Variants in MID1 observed in about 807,000 individuals in gnomAD.
MID1 encodes the protein E3 ubiquitin-protein ligase Midline-1.
In MID1, 7 loss-of-function variants were observed where a neutral mutation model predicts 40.4. The observed-to-expected ratio is 0.17, with a 90% confidence interval of 0.10 to 0.33. The LOEUF is 0.33. MID1 is among the 10% of genes least tolerant of loss of function. MID1 has a pLI of 1.00. For synonymous variants in MID1, 229 were observed against 221.2 expected, an observed-to-expected ratio of 1.04 and a Z score of -0.31; for missense variants, 367 against 558.5, an observed-to-expected ratio of 0.66 and a Z score of 3.46.
chrX:10,731,966 C>CAAAAAAAAAAAAAA (rs754605735), intron 1 of MID1, among the ~76,000 whole-genome samples: 1 of 26,653 alleles, frequency 3.8e-5, no homozygotes, highest in African/African-American at 9.6e-5. Flanking sequence ...GAATCTATCA[C>CAAAAAAAAAAAAAA]AAAAAAAAAA....
intron 1 of MID1, among the ~76,000 whole-genome samples, chrX:10,636,784 GGATATATATATA>G (rs1203503201): frequency 2.5e-4 from 3 of 12,157 alleles, no homozygotes; most frequent in African/African-American, 1.3e-3. Context: ...CCAACAATGG[GGATATATATATA>G]TATATATATA....
At chrX:10,583,761 G>A (rs143436619) in intron 1 of MID1, among the ~76,000 whole-genome samples, 1 of 111,638 alleles carries the variant, frequency 9.0e-6, no homozygotes, top group African/African-American at 3.3e-5. Flanking sequence ...GGCCAGGTAC[G>A]GTGGCTCACG....
intron 2 of MID1, among the ~76,000 whole-genome samples, chrX:10,540,531 C>G (rs939785752): frequency 1.8e-5 from 2 of 111,479 alleles, no homozygotes; most frequent in Admixed American, 9.5e-5. Context: ...GTCTGAGACC[C>G]AATATTTCAT....
intron 1 of MID1, among the ~76,000 whole-genome samples, chrX:10,757,954 C>CTTTATTTA (rs113458552): frequency 1.8e-5 from 2 of 108,645 alleles, no homozygotes; most frequent in African/African-American, 6.9e-5. Flanking sequence ...TCATAAGTCA[C>CTTTATTTA]TTTATTTATT....
At chrX:10,714,234 C>A (rs953257901) in intron 1 of MID1, among the ~76,000 whole-genome samples, 2 of 112,621 alleles carry the variant, frequency 1.8e-5, no homozygotes, top group Admixed American at 9.4e-5. Context: ...GGGGAGAAAG[C>A]CTTCTTTGTG....
At chrX:10,713,784 G>A (rs2043284103) in intron 1 of MID1, among the ~76,000 whole-genome samples, 1 of 111,874 alleles carries the variant, frequency 8.9e-6, no homozygotes, top group Admixed American at 9.5e-5. Context: ...AGTTGAGATG[G>A]TCCAAAGAGG....
intron 9 of MID1, among the ~76,000 whole-genome samples, chrX:10,454,143 C>T (rs1928513968): frequency 9.0e-6 from 1 of 111,563 alleles, no homozygotes; most frequent in Non-Finnish European, 1.9e-5. Context: ...GTGTCCTGAC[C>T]TTTGCCCTTA....
chrX:10,459,613 A>T, intron 8 of MID1, 33 bp downstream of exon 8: 1 of 1,196,693 alleles, frequency 8.4e-7, no homozygotes, highest in Non-Finnish European at 1.1e-6. Context: ...AGCAGATAAG[A>T]CATGACAGCT....
At chrX:10,685,875 CAT>C (rs1485514986) in intron 1 of MID1, among the ~76,000 whole-genome samples, 4 of 59,640 alleles carry the variant, frequency 6.7e-5, no homozygotes, top group Non-Finnish European at 9.4e-5. Flanking sequence ...CCCACATACT[CAT>C]ACACACACAC....
At chrX:10,543,541 T>G (rs1000579134) in intron 2 of MID1, among the ~76,000 whole-genome samples, 2 of 111,281 alleles carry the variant, frequency 1.8e-5, no homozygotes, top group African/African-American at 6.5e-5. Flanking sequence ...TGATTTCTAG[T>G]GATGGAGAGA....
intron 1 of MID1, among the ~76,000 whole-genome samples, chrX:10,587,462 G>A (rs565143708): frequency 3.3e-4 from 37 of 112,849 alleles, no homozygotes; most frequent in African/African-American, 7.1e-4. Flanking sequence ...GCAGGGTGCC[G>A]GACTTTGGGA....
intron 1 of MID1, among the ~76,000 whole-genome samples, chrX:10,683,368 G>A (rs192886957): frequency 1.3e-4 from 14 of 110,725 alleles, no homozygotes; most frequent in African/African-American, 4.6e-4. Flanking sequence ...AATATAGTGA[G>A]CCCTGTCTCT....
chrX:10,636,615 AC>A (rs1478968422), intron 1 of MID1, among the ~76,000 whole-genome samples: 12 of 106,954 alleles, frequency 1.1e-4, no homozygotes, highest in African/African-American at 3.4e-4. Flanking sequence ...CTTGACCTCC[AC>A]TCTCCACGGT....
Position 10,695,753 on chromosome X carries a change from G to A in MID1, c.-186-75334C>T, listed in dbSNP as rs2043159239. ...GGCAATTACAGAGTTGGAGGAATAGGCAGGGGCTAGACTGTGCTGTCTAAT... is the reference window on the plus strand; with the variant it reads ...GGCAATTACAGAGTTGGAGGAATAGACAGGGGCTAGACTGTGCTGTCTAAT... On this transcript the variant is annotated intron_variant, in intron 1 of 10. Transcript: ENST00000380785. Among the ~76,000 whole-genome samples, 2 of 112,032 alleles carry A rather than the reference G, an allele frequency of 1.8e-5. 1 individual carries two copies. The highest frequency in any genetic ancestry group is 7.5e-4 in the South Asian group (2 of 2,665).
chrX:10,605,916 C>T, intron 1 of MID1, among the ~76,000 whole-genome samples: 1 of 111,167 alleles, frequency 9.0e-6, no homozygotes, highest in Non-Finnish European at 1.9e-5. Flanking sequence ...CTTTATAAAT[C>T]TCTATTCCTG....
intron 2 of MID1, among the ~76,000 whole-genome samples, chrX:10,562,121 CAG>C (rs2147457476): frequency 9.5e-6 from 1 of 105,618 alleles, no homozygotes; most frequent in South Asian, 4.0e-4. Context: ...AACACAGAAA[CAG>C]AAAACCAAAC....
At chrX:10,703,623 T>C (rs1358700055) in intron 1 of MID1, among the ~76,000 whole-genome samples, 2 of 111,908 alleles carry the variant, frequency 1.8e-5, no homozygotes, top group African/African-American at 6.5e-5. Context: ...GCTGAGATCA[T>C]GTCACTGGAC....
intron 2 of MID1, among the ~76,000 whole-genome samples, chrX:10,524,100 C>T (rs1300311464): frequency 8.9e-6 from 1 of 111,876 alleles, no homozygotes; most frequent in East Asian, 2.8e-4. Context: ...CCATCAATGC[C>T]AGATCAAATT....
intron 6 of MID1, among the ~76,000 whole-genome samples, chrX:10,472,397 C>A (rs1044208030): frequency 8.9e-6 from 1 of 112,506 alleles, no homozygotes; most frequent in African/African-American, 3.2e-5. Flanking sequence ...AAACTACTTT[C>A]ACAATTTCCC....
Sources: allele counts gnomAD v4.1 joint callset (sites outside exome capture counted in the v4.1 genomes callset), GRCh38; gene constraint gnomAD v4.1.1; transcripts MANE v1.5; gene names NCBI Gene and HGNC (gene_info 2026-07-23, HGNC 2026-07-21).